Variants in B4GALT4 observed in about 807,000 individuals in gnomAD.
B4GALT4 encodes N-acetyllactosamine synthase.
B4GALT4 carries 27 observed loss-of-function variants against 37.3 expected under a neutral mutation model. The observed-to-expected ratio is 0.72, with a 90% CI of 0.53 to 1.00. The LOEUF (loss-of-function observed/expected upper bound fraction) is 1.00. Among genes scored for constraint, B4GALT4 ranks in the 50% least tolerant of loss-of-function variants. The probability of loss-of-function intolerance (pLI) is 0.00; values close to 1 mark genes in which losing one functional copy is unlikely to be tolerated. For missense variants in B4GALT4, 372 were observed against 413.1 expected (o/e 0.90, Z 0.86); for synonymous variants, 148 against 154.1 (o/e 0.96, Z 0.29).
intron 5 of B4GALT4, among the ~76,000 whole-genome samples, chr3:119,219,762 T>C (rs1290965428): frequency 2.0e-5 from 3 of 152,222 alleles, no homozygotes; most frequent in African/African-American, 7.2e-5. Flanking sequence ...AGGACTCTTA[T>C]TATCAGTGGA....
At chr3:119,218,314 C>T (rs1191407527) in intron 6 of B4GALT4, among the ~76,000 whole-genome samples, 2 of 152,194 alleles carry the variant, frequency 1.3e-5, no homozygotes, top group African/African-American at 4.8e-5. Context: ...AAGCATGAGG[C>T]TCTTAACAAC....
At chr3:119,236,302 A>C (rs1453476645) in intron 2 of B4GALT4, 1 of 49,042 alleles carries the variant, frequency 2.0e-5, no homozygotes, top group Non-Finnish European at 5.1e-5. Flanking sequence ...ATAAAATACA[A>C]TGGGAACAGA....
intron 7 of B4GALT4, chr3:119,213,043 A>C (rs1027896116): frequency 6.1e-6 from 1 of 163,190 alleles, no homozygotes; most frequent in African/African-American, 2.4e-5. Flanking sequence ...CCTATGTTAT[A>C]AGGAAAGTTT....
At chr3:119,222,593 C>T (rs1253187277) in intron 5 of B4GALT4, among the ~76,000 whole-genome samples, 2 of 152,156 alleles carry the variant, frequency 1.3e-5, no homozygotes, top group East Asian at 1.9e-4. Flanking sequence ...CTTCGAACTC[C>T]ATATCAGACT....
rs570708514 is a variant in B4GALT4, at chr3:119,224,795, T to C, written c.487-550A>G. Among the ~76,000 whole-genome samples the C allele has an allele frequency of 1.3e-5, 2 of 152,212 alleles. 1 individual carries two copies. The highest frequency in any genetic ancestry group is 4.1e-4 in the South Asian group (2 of 4,832). ...AATAATAATGTACACTTAAAATGTATTGAGTATAGCTCTCATGTTAAATAT... is the reference window on the plus strand; with the variant it reads ...AATAATAATGTACACTTAAAATGTACTGAGTATAGCTCTCATGTTAAATAT... On this transcript the variant is annotated intron_variant, in intron 4 of 7. Coordinates refer to ENST00000393765, the MANE Select transcript of B4GALT4 (RefSeq NM_003778.4).
At chr3:119,227,187 C>T in intron 3 of B4GALT4, 146 bp from the exon 4 acceptor site, 3 of 716,972 alleles carry the variant, frequency 4.2e-6, no homozygotes, top group Middle Eastern at 2.7e-4. Flanking sequence ...ACTTTAAAGG[C>T]TCATTTAGTC....
rs537116994 is a variant in B4GALT4 at position 119,230,207 on chromosome 3, C to A, written c.-108G>T. The A allele has an allele frequency of 8.6e-6, 12 of 1,403,220 alleles. No individual in the cohort carries two copies. In the East Asian group the frequency reaches 2.3e-4, roughly 27 times the overall value. 86.9% of individuals were successfully genotyped at this position (1,403,220 alleles called of 1,614,324 possible). A position where few individuals can be genotyped will look rare whatever the true frequency, so the allele number is the denominator to read the frequency against. ...GCGAACTTGATGACAACTGAAGATACAATGCCTGGTTTTTCTCAGTAGTTC... is the reference window on the plus strand; with the variant it reads ...GCGAACTTGATGACAACTGAAGATAAAATGCCTGGTTTTTCTCAGTAGTTC... On this transcript the variant is annotated 5_prime_UTR_variant, in exon 3 of 8. Coordinates refer to ENST00000393765, the MANE Select transcript of B4GALT4 (RefSeq NM_003778.4).
At chr3:119,220,275 G>A (rs898814227) in intron 5 of B4GALT4, among the ~76,000 whole-genome samples, 5 of 152,260 alleles carry the variant, frequency 3.3e-5, no homozygotes, top group Admixed American at 6.5e-5. Context: ...ATTTTATAGA[G>A]GGGAGGGATT....
chr3:119,228,225 C>T (rs1025209527), intron 3 of B4GALT4, among the ~76,000 whole-genome samples: 1 of 152,192 alleles, frequency 6.6e-6, no homozygotes, highest in Non-Finnish European at 1.5e-5. Context: ...GAGCCTCACG[C>T]AACAGGTCTA....
At chr3:119,240,388 G>C (rs940487858) in intron 1 of B4GALT4, 1 of 152,196 alleles carries the variant, frequency 6.6e-6, no homozygotes, top group Non-Finnish European at 1.5e-5. Context: ...AAAGGTCGCC[G>C]GCCCCTCGCA....
At chr3:119,223,997 C>A in intron 5 of B4GALT4, 61 bp downstream of exon 5, 1 of 1,474,582 alleles carries the variant, frequency 6.8e-7, no homozygotes, top group South Asian at 1.5e-5. Context: ...TTGTTCCACC[C>A]AGTCTTGATC....
chr3:119,212,014 A>G lies in B4GALT4; in HGVS notation c.*535T>C, dbSNP rs2078174028. 3.3e-6 allele frequency: 2 copies of G among 612,774 alleles called. No individual in the cohort carries two copies. The highest frequency in any genetic ancestry group is 5.9e-6 in the Non-Finnish European group (2 of 341,666). 38.0% of individuals were successfully genotyped at this position (612,774 alleles called of 1,614,324 possible). ...CCCTCCTGCTACCTCTTCATTCCCA[A>G]GTTCACTGTGTCCTGATTCGTCGCC... On this transcript the variant is annotated 3_prime_UTR_variant, in exon 8 of 8. Transcript: ENST00000393765.
chr3:119,234,399 C>T (rs549982197), intron 2 of B4GALT4, among the ~76,000 whole-genome samples: 30 of 152,288 alleles, frequency 2.0e-4, no homozygotes, highest in Admixed American at 7.2e-4. Flanking sequence ...GGATTACAGG[C>T]GTGAGCCACC....
intron 3 of B4GALT4, among the ~76,000 whole-genome samples, chr3:119,229,521 A>C (rs1331443637): frequency 6.6e-6 from 1 of 152,342 alleles, no homozygotes. Context: ...GGAAAAATCT[A>C]ATGTGTAGAG....
chr3:119,213,652 AAGG>A (rs1385621133), intron 7 of B4GALT4: 1 of 152,206 alleles, frequency 6.6e-6, no homozygotes, highest in Non-Finnish European at 1.5e-5. Flanking sequence ...GGGAGATGTG[AAGG>A]AGGAGACTAC....
intron 5 of B4GALT4, 62 bp downstream of exon 5, chr3:119,223,996 C>A (rs2078524683): frequency 2.0e-6 from 3 of 1,474,306 alleles, no homozygotes; most frequent in Admixed American, 2.3e-5. Context: ...CTTGTTCCAC[C>A]CAGTCTTGAT....
chr3:119,223,154 T>C (rs1350218243), intron 5 of B4GALT4, among the ~76,000 whole-genome samples: 1 of 152,220 alleles, frequency 6.6e-6, no homozygotes, highest in Non-Finnish European at 1.5e-5. Flanking sequence ...ACCAAGTGCT[T>C]ATAGTTGTAT....
In B4GALT4 at chr3:119,212,048, CCT is replaced by C. The variant is rs1282980762; in HGVS notation, c.*499_*500del. 3.0e-6 allele frequency: 2 copies of C among 670,390 alleles called. No individual in the cohort carries two copies. The highest frequency in any genetic ancestry group is 2.7e-5 in the East Asian group (1 of 36,788). The allele number at this position is 670,390 out of a possible 1,614,324, so 41.5% of individuals were successfully genotyped here. On this transcript the variant is annotated 3_prime_UTR_variant, in exon 8 of 8. Coordinates refer to ENST00000393765, the MANE Select transcript of B4GALT4 (RefSeq NM_003778.4). ...TGTCCTGATTCGTCGCCTTTTCTCC[CCT>C]CTTTTGTGGACGCCTTCTCACCTGA...
At chr3:119,228,237 T>A (rs535030928) in intron 3 of B4GALT4, among the ~76,000 whole-genome samples, 1 of 152,196 alleles carries the variant, frequency 6.6e-6, no homozygotes, top group Non-Finnish European at 1.5e-5. Flanking sequence ...ACAGGTCTAA[T>A]ATAAACTAGT....
Sources: gnomAD v4.1 joint callset for allele counts (sites outside exome capture counted in the v4.1 genomes callset) on GRCh38, gnomAD v4.1.1 for gene constraint, MANE v1.5 for transcripts, NCBI Gene and HGNC (gene_info 2026-07-23, HGNC 2026-07-21) for gene names.